Variants in TYW1B observed in about 807,000 individuals in gnomAD.
TYW1B encodes tRNA-yW synthesizing protein 1 homolog B.
TYW1B carries 73 observed loss-of-function variants against 86.9 expected under a neutral mutation model. The observed-to-expected ratio is 0.84, with a 90% CI of 0.70 to 1.02. TYW1B has a LOEUF of 1.02. Among genes scored for constraint, TYW1B ranks in the 50% least tolerant of loss-of-function variants. The pLI is 0.00. For synonymous variants in TYW1B, 248 were observed against 292.8 expected (o/e 0.85, Z 1.56); for missense variants, 637 against 827.4 (o/e 0.77, Z 2.82).
intron 7 of TYW1B, among the ~76,000 whole-genome samples, chr7:72,750,351 C>T (rs1205432659): frequency 6.6e-6 from 1 of 152,170 alleles, no homozygotes; most frequent in African/African-American, 2.4e-5. Flanking sequence ...CAAAGTTCGT[C>T]GTTCTTTTCT....
At chr7:72,714,597 T>C (rs542246051) in intron 9 of TYW1B, among the ~76,000 whole-genome samples, 66 of 151,712 alleles carry the variant, frequency 4.4e-4, no homozygotes, top group Non-Finnish European at 7.2e-4. Context: ...CACTCCAGCC[T>C]GGATGACAGA....
chr7:72,808,867 C>T (rs1222427148), intron 4 of TYW1B, among the ~76,000 whole-genome samples: 1 of 152,020 alleles, frequency 6.6e-6, no homozygotes, highest in East Asian at 1.9e-4. Flanking sequence ...TCCACCGTCA[C>T]TCACACTCCA....
chr7:72,679,286 G>C lies in TYW1B; in HGVS notation c.1506+15401C>G, dbSNP rs548526446. On this transcript the variant is annotated intron_variant, in intron 11 of 13. Transcript: ENST00000620995. Reference sequence around the variant, plus strand: ...TCCAGCAACTTCCAACCACAGGTTAGTTCCGAAAGAAATTATTGCACATGT... The same window carrying C: ...TCCAGCAACTTCCAACCACAGGTTACTTCCGAAAGAAATTATTGCACATGT... Among the ~76,000 whole-genome samples, 169 of 152,324 alleles carry C rather than the reference G, an allele frequency of 1.1e-3. 2 individuals carry two copies. Among genetic ancestry groups the C allele is most frequent in the Non-Finnish European group, 1.9e-3 (126 of 68,024 alleles).
intron 6 of TYW1B, among the ~76,000 whole-genome samples, chr7:72,799,267 T>C (rs1384190719): frequency 6.7e-6 from 1 of 150,222 alleles, no homozygotes; most frequent in Non-Finnish European, 1.5e-5. Context: ...CAAAAGATTC[T>C]CGTGCCTCAG....
intron 10 of TYW1B, among the ~76,000 whole-genome samples, chr7:72,696,873 T>C (rs567216551): frequency 6.6e-6 from 1 of 152,144 alleles, no homozygotes; most frequent in African/African-American, 2.4e-5. Context: ...AGGGGATCCT[T>C]TGAAGTTCAG....
At chr7:72,692,321 A>G (rs1172759724) in intron 11 of TYW1B, among the ~76,000 whole-genome samples, 1 of 151,764 alleles carries the variant, frequency 6.6e-6, no homozygotes, top group Non-Finnish European at 1.5e-5. Context: ...AGATTGCCTG[A>G]GGCCAGGAGT....
chr7:72,588,816 C>CTT (rs200351946), intron 13 of TYW1B, among the ~76,000 whole-genome samples: 10 of 143,608 alleles, frequency 7.0e-5, no homozygotes, highest in Non-Finnish European at 9.2e-5. Flanking sequence ...AAGACTTGCA[C>CTT]TTTTTTTTTT....
At chr7:72,745,851 G>GGTGTGT (rs1162824267) in intron 7 of TYW1B, among the ~76,000 whole-genome samples, 387 of 75,138 alleles carry the variant, frequency 5.2e-3, no homozygotes, top group African/African-American at 9.3e-3. Flanking sequence ...CGTGTATAGG[G>GGTGTGT]GTGTGTGTGT....
At chr7:72,603,781 G>C (rs1329191518) in intron 13 of TYW1B, among the ~76,000 whole-genome samples, 1 of 152,064 alleles carries the variant, frequency 6.6e-6, no homozygotes, top group South Asian at 2.1e-4. Context: ...CATAACCCAA[G>C]TCTCATGAGA....
chr7:72,803,169 C>G (rs535235163), intron 5 of TYW1B, among the ~76,000 whole-genome samples: 1 of 152,128 alleles, frequency 6.6e-6, no homozygotes, highest in East Asian at 1.9e-4. Flanking sequence ...GCCAGGAGTT[C>G]AAGACCAGCC....
chr7:72,629,026 G>C, intron 11 of TYW1B, 29 bp from the exon 12 acceptor site: 2 of 1,569,510 alleles, frequency 1.3e-6, no homozygotes, highest in Non-Finnish European at 1.7e-6. Flanking sequence ...CAACTTCGTT[G>C]TTATCTTGGT....
intron 11 of TYW1B, among the ~76,000 whole-genome samples, chr7:72,652,836 C>G (rs1233312134): frequency 6.6e-6 from 1 of 152,106 alleles, no homozygotes; most frequent in African/African-American, 2.4e-5. Context: ...AGGGCAAATT[C>G]GGAAATATCT....
At chr7:72,753,711 T>C (rs35645622) in intron 7 of TYW1B, among the ~76,000 whole-genome samples, 103,885 of 151,516 alleles carry the variant, frequency 0.69, 36,516 homozygotes, top group Non-Finnish European at 0.77. Context: ...GAACTCCTGA[T>C]CTCGTGATCC....
chr7:72,618,878 C>T (rs1554437398), intron 12 of TYW1B, among the ~76,000 whole-genome samples: 1 of 152,172 alleles, frequency 6.6e-6, no homozygotes, highest in Non-Finnish European at 1.5e-5. Context: ...ACTGCTGAAA[C>T]TCCCTCTGCT....
intron 3 of TYW1B, among the ~76,000 whole-genome samples, 169 bp from the exon 4 acceptor site, chr7:72,810,834 C>T (rs1468472615): frequency 2.6e-5 from 4 of 152,042 alleles, no homozygotes; most frequent in Admixed American, 2.0e-4. Flanking sequence ...GCAAGAACAG[C>T]TTGCACGGGG....
intron 7 of TYW1B, among the ~76,000 whole-genome samples, chr7:72,766,556 G>A (rs1311450254): frequency 7.0e-6 from 1 of 143,704 alleles, no homozygotes; most frequent in African/African-American, 2.6e-5. Context: ...AGAGGTTGCC[G>A]TGAGCCAAGA....
At chr7:72,678,264 A>G (rs1276829408) in intron 11 of TYW1B, among the ~76,000 whole-genome samples, 6 of 152,128 alleles carry the variant, frequency 3.9e-5, no homozygotes, top group African/African-American at 1.2e-4. Context: ...AAACAATCAA[A>G]GAGGGATGGG....
At chr7:72,608,609 T>C (rs180759913) in intron 13 of TYW1B, among the ~76,000 whole-genome samples, 4 of 152,308 alleles carry the variant, frequency 2.6e-5, no homozygotes, top group Admixed American at 2.0e-4. Flanking sequence ...ACTAAAAAAG[T>C]ATGACAACTG....
At chr7:72,632,285 G>GTATATATATATATATATATATATATATTA in intron 11 of TYW1B, among the ~76,000 whole-genome samples, 2 of 83,544 alleles carry the variant, frequency 2.4e-5, no homozygotes, top group African/African-American at 1.4e-4. Flanking sequence ...ATATATACGT[G>GTATATATATATATATATATATATATATTA]TATATATATA....
Sources: allele counts gnomAD v4.1 joint callset (sites outside exome capture counted in the v4.1 genomes callset), GRCh38; gene constraint gnomAD v4.1.1; transcripts MANE v1.5; gene names NCBI Gene and HGNC (gene_info 2026-07-23, HGNC 2026-07-21).